Variants in FAR2 observed in about 807,000 individuals in gnomAD.
FAR2 encodes the protein epididymis secretory protein Li 81.
A neutral mutation model predicts 56.0 loss-of-function variants in FAR2; 19 were observed. The observed-to-expected ratio is 0.34, with a 90% CI of 0.24 to 0.50. The LOEUF (loss-of-function observed/expected upper bound fraction) is 0.50, where lower values mean the gene tolerates loss of function less well. Among genes scored for constraint, FAR2 ranks in the 20% least tolerant of loss-of-function variants. The pLI is 0.98. For missense variants in FAR2, 508 were observed against 642.2 expected, an observed-to-expected ratio of 0.79 and a Z score of 2.26; for synonymous variants, 219 against 218.8, an observed-to-expected ratio of 1.00 and a Z score of -0.01.
At chr12:29,297,738 C>A (rs1037669258) in intron 4 of FAR2, among the ~76,000 whole-genome samples, 1 of 152,112 alleles carries the variant, frequency 6.6e-6, no homozygotes, top group Non-Finnish European at 1.5e-5. Context: ...AGCACTTAAT[C>A]AAATAATTCA....
At chr12:29,306,606 T>C (rs969232698) in intron 4 of FAR2, among the ~76,000 whole-genome samples, 1 of 152,230 alleles carries the variant, frequency 6.6e-6, no homozygotes, top group Non-Finnish European at 1.5e-5. Context: ...TAAAAAGCTA[T>C]GTTATATCAA....
In FAR2 at chr12:29,327,934, C is replaced by T. The variant is rs1949674197; in HGVS notation, c.1258-4666C>T. Among the ~76,000 whole-genome samples, 4 of 152,216 alleles carry T rather than the reference C, an allele frequency of 2.6e-5. No individual in the cohort carries two copies. In the South Asian group the frequency reaches 8.3e-4, roughly 32 times the overall value. ...CTAATTAAACTAAAGAGCTTCTGCA[C>T]AGCAAAAGAAACCACCATCAGAGTA... On this transcript the variant is annotated intron_variant, in intron 10 of 11. Transcript: ENST00000536681.
intron 1 of FAR2, among the ~76,000 whole-genome samples, chr12:29,190,209 C>A (rs1488767191): frequency 6.6e-6 from 1 of 151,980 alleles, no homozygotes; most frequent in African/African-American, 2.4e-5. Context: ...GTGTGGAGCT[C>A]CTGCGAGGAG....
chr12:29,173,866 G>T (rs780423781), intron 1 of FAR2, among the ~76,000 whole-genome samples: 1 of 152,128 alleles, frequency 6.6e-6, no homozygotes, highest in Non-Finnish European at 1.5e-5. Flanking sequence ...ACCACAAGGA[G>T]GACTGAGGAA....
intron 1 of FAR2, among the ~76,000 whole-genome samples, chr12:29,245,433 C>T (rs781576088): frequency 6.6e-6 from 1 of 152,170 alleles, no homozygotes; most frequent in Non-Finnish European, 1.5e-5. Context: ...ATTTATGTGT[C>T]AGTACTCATT....
chr12:29,180,759 A>G (rs1949984330), intron 1 of FAR2, among the ~76,000 whole-genome samples: 2 of 151,444 alleles, frequency 1.3e-5, no homozygotes, highest in African/African-American at 4.8e-5. Flanking sequence ...CTATCTATCT[A>G]TCTATCTATC....
chr12:29,164,672 C>A (rs1949810452), intron 1 of FAR2, among the ~76,000 whole-genome samples: 1 of 152,172 alleles, frequency 6.6e-6, no homozygotes, highest in Non-Finnish European at 1.5e-5. Flanking sequence ...AGCTCTGAGC[C>A]ATGAACTGAG....
intron 1 of FAR2, among the ~76,000 whole-genome samples, chr12:29,200,230 T>C (rs7309881): frequency 0.78 from 118,358 of 152,078 alleles, 46,962 homozygotes; most frequent in East Asian, 0.91. Context: ...TTTATGAAGA[T>C]TACAGTGTGA....
At chr12:29,228,588 TTG>T (rs796586996) in intron 1 of FAR2, among the ~76,000 whole-genome samples, 6 of 79,324 alleles carry the variant, frequency 7.6e-5, no homozygotes, top group African/African-American at 1.9e-4. Context: ...TCAGTCTTTT[TTG>T]TGTTTGTTTG....
chr12:29,241,669 C>A (rs11614129), intron 1 of FAR2, among the ~76,000 whole-genome samples: 18,071 of 152,204 alleles, frequency 0.12, 1,238 homozygotes, highest in Middle Eastern at 0.24. Flanking sequence ...AATGTAAAAT[C>A]TCCCTTCCTT....
At chr12:29,245,941 G>A (rs1205828251) in intron 1 of FAR2, among the ~76,000 whole-genome samples, 5 of 151,856 alleles carry the variant, frequency 3.3e-5, no homozygotes, top group Non-Finnish European at 7.4e-5. Flanking sequence ...ATACACAAAT[G>A]ATTTACTATT....
intron 1 of FAR2, among the ~76,000 whole-genome samples, chr12:29,176,668 G>T (rs1949941967): frequency 6.6e-6 from 1 of 152,174 alleles, no homozygotes; most frequent in Non-Finnish European, 1.5e-5. Flanking sequence ...ACAGGCTGAG[G>T]AAATGATGCT....
intron 1 of FAR2, among the ~76,000 whole-genome samples, chr12:29,153,437 A>G (rs575331041): frequency 6.6e-6 from 1 of 152,316 alleles, no homozygotes; most frequent in South Asian, 2.1e-4. Flanking sequence ...GGGGACAGAG[A>G]GAAGGCAGGC....
rs1018168815 is a variant in FAR2 at position 29,335,490 on chromosome 12, T to C, written c.*1696T>C. 2.6e-5 allele frequency: 4 copies of C among 152,156 alleles called. No homozygotes were observed. The highest frequency in any genetic ancestry group is 4.4e-5 in the Non-Finnish European group (3 of 68,018). 9.4% of individuals were successfully genotyped at this position (152,156 alleles called of 1,614,324 possible). A position where few individuals can be genotyped will look rare whatever the true frequency, so the allele number is the denominator to read the frequency against. ...GAAATCAAGATATAGCTCAGTGGGA[T>C]TGGATTAAGACATAATAATAGTTCT... On this transcript the variant is annotated 3_prime_UTR_variant, in exon 12 of 12. Transcript: ENST00000536681.
intron 1 of FAR2, among the ~76,000 whole-genome samples, chr12:29,188,988 T>G (rs1334097483): frequency 2.0e-5 from 3 of 152,146 alleles, no homozygotes; most frequent in Non-Finnish European, 4.4e-5. Context: ...TTACTGGAGA[T>G]GTTAACCTTC....
At chr12:29,297,230 G>C (rs758652765) in intron 4 of FAR2, 30 bp downstream of exon 4, 1 of 1,582,272 alleles carries the variant, frequency 6.3e-7, no homozygotes, top group Non-Finnish European at 8.6e-7. Context: ...GGATCAAGGG[G>C]CGGGTAGAAT....
At chr12:29,325,634 C>A (rs544791550) in intron 10 of FAR2, among the ~76,000 whole-genome samples, 10 of 152,134 alleles carry the variant, frequency 6.6e-5, no homozygotes, top group Non-Finnish European at 1.2e-4. Flanking sequence ...ACTGAACAAC[C>A]TGCTCCTCAG....
chr12:29,320,398 G>A (rs534609750), intron 9 of FAR2, among the ~76,000 whole-genome samples: 27 of 152,278 alleles, frequency 1.8e-4, no homozygotes, highest in Admixed American at 1.0e-3. Context: ...TTAGATAATA[G>A]TAAAGTGGAA....
chr12:29,263,187 C>CA (rs1318556798), intron 1 of FAR2, among the ~76,000 whole-genome samples: 1 of 152,098 alleles, frequency 6.6e-6, no homozygotes, highest in East Asian at 1.9e-4. Context: ...ATATAGCCCT[C>CA]AATACAATAA....
Sources: gnomAD v4.1 joint callset for allele counts (sites outside exome capture counted in the v4.1 genomes callset) on GRCh38, gnomAD v4.1.1 for gene constraint, MANE v1.5 for transcripts, NCBI Gene and HGNC (gene_info 2026-07-23, HGNC 2026-07-21) for gene names.